SFPQ: variants seen among roughly 807,000 people sequenced by gnomAD.
SFPQ encodes the protein splicing factor, proline- and glutamine-rich.
Under a neutral mutation model 72.9 loss-of-function variants are expected in SFPQ, and 11 were observed. The observed-to-expected ratio is 0.15, with a 90% CI of 0.09 to 0.25. The LOEUF (loss-of-function observed/expected upper bound fraction) is 0.25, where lower values mean the gene tolerates loss of function less well. Among genes scored for constraint, SFPQ ranks in the 10% least tolerant of loss-of-function variants. SFPQ has a pLI of 1.00. For synonymous variants in SFPQ, 506 were observed against 367.3 expected, an observed-to-expected ratio of 1.38 and a Z score of -4.32; for missense variants, 847 against 993.3, an observed-to-expected ratio of 0.85 and a Z score of 1.98.
At chr1:35,188,650 A>G (rs1639846083) in intron 6 of SFPQ, among the ~76,000 whole-genome samples, 1 of 152,076 alleles carries the variant, frequency 6.6e-6, no homozygotes, top group African/African-American at 2.4e-5. Flanking sequence ...GCCTGGGCCC[A>G]TCTCAAAAAA....
At position 35,192,997 on chromosome 1, in the gene SFPQ, C is replaced by T; in HGVS notation, c.53G>A (p.Arg18Lys). The change falls in exon 1 of 10, where the codon AGG becomes AAG. Residue 18 changes from arginine (R) to lysine (K), a missense_variant. By Grantham distance (26) the Arg-to-Lys change is conservative. This residue lies in a region of SFPQ where 19 missense variants were observed against 43.8 expected (regional missense o/e 0.43). Transcript: ENST00000357214. ...GCCGCGGCCGCCGCCTCCTCCACGC[C>T]TGTGGAAGCCACCACCGCCACCGCC... ...SRGGGGGGFH[R>K]RGGGGGRGGL... 1.9e-6 allele frequency: 3 copies of T among 1,565,600 alleles called. No individual in the cohort carries two copies. The highest frequency in any genetic ancestry group is 2.6e-6 in the Non-Finnish European group (3 of 1,163,278).
Position 35,193,109 on chromosome 1 carries a change from C to T in SFPQ, c.-60G>A, listed in dbSNP as rs1011959415. On this transcript the variant is annotated 5_prime_UTR_variant, in exon 1 of 10. Coordinates refer to ENST00000357214, the MANE Select transcript of SFPQ (RefSeq NM_005066.3). ...AGAAGACGCTCAGGAAACGTGGAGG[C>T]CACCTTGCTTCTCACAAAATGGCGG... is the stretch of plus-strand genomic sequence containing the variant. 3 of 1,494,856 alleles carry T rather than the reference C, an allele frequency of 2.0e-6. No homozygotes were observed. The highest frequency in any genetic ancestry group is 2.7e-6 in the Non-Finnish European group (3 of 1,130,500). The allele number at this position is 1,494,856 out of a possible 1,614,324, so 92.6% of individuals were successfully genotyped here. A position where few individuals can be genotyped will look rare whatever the true frequency, so the allele number is the denominator to read the frequency against.
At position 35,192,962 on chromosome 1, in the gene SFPQ, C is replaced by CGTG. The variant is rs1228282304; in HGVS notation, c.85_87dup (p.His29dup). The CGTG allele has an allele frequency of 6.6e-7, 1 of 1,525,252 alleles. No homozygotes were observed. Among genetic ancestry groups the CGTG allele is most frequent in the African/African-American group, 1.4e-5 (1 of 71,882 alleles). 94.5% of individuals were successfully genotyped at this position (1,525,252 alleles called of 1,614,324 possible). ...ATGCCGGGCGGCGGAGAACGGAAGT[C>CGTG]GTGGAGGCCGCCGCGGCCGCCGCCT... On this transcript the variant is annotated inframe_insertion, in exon 1 of 10. Transcript: ENST00000357214.
rs768160490 is a variant in SFPQ at position 35,193,023 on chromosome 1, A to C, written c.27T>G (p.Arg9=). The C allele has an allele frequency of 1.0e-5, 16 of 1,587,178 alleles. No individual in the cohort carries two copies. The East Asian group carries it at 3.7e-4, about 36-fold the overall frequency. ...TGTGGAAGCCACCACCGCCACCGCC[A>C]CGACTCCGGAACCGATCCCGAGACA... MSRDRFRS[R]GGGGGGFHRR... is the part of the protein sequence containing the mutation. Residue 9 remains arginine (R), a synonymous_variant, in exon 1 of 10, where the codon CGT becomes CGG. Coordinates refer to ENST00000357214, the MANE Select transcript of SFPQ (RefSeq NM_005066.3).
downstream of SFPQ, chr1:35,178,880 C>T: frequency 9.7e-7 from 1 of 1,026,922 alleles, no homozygotes; most frequent in Non-Finnish European, 1.2e-6. Context: ...GCCCTTTTCA[C>T]TCTCAAAAAA....
downstream of SFPQ, chr1:35,180,078 G>T (rs758815546): frequency 9.5e-7 from 1 of 1,052,748 alleles, no homozygotes; most frequent in East Asian, 5.4e-5. Context: ...CCCACCTTGT[G>T]AATTGCTTGC....
rs1640127163 is a variant in SFPQ at position 35,193,123 on chromosome 1, A to G, written c.-74T>C. On this transcript the variant is annotated 5_prime_UTR_variant, in exon 1 of 10. Coordinates refer to ENST00000357214, the MANE Select transcript of SFPQ (RefSeq NM_005066.3). The stretch of plus-strand genomic sequence containing the variant: ...AAACGTGGAGGCCACCTTGCTTCTC[A>G]CAAAATGGCGGATGACACAGGCGGC... The G allele has an allele frequency of 2.7e-6, 4 of 1,484,794 alleles. No individual in the cohort carries two copies. Among genetic ancestry groups the G allele is most frequent in the South Asian group, 2.6e-5 (2 of 76,406 alleles). The allele number at this position is 1,484,794 out of a possible 1,614,324, so 92.0% of individuals were successfully genotyped here. A position where few individuals can be genotyped will look rare whatever the true frequency, so the allele number is the denominator to read the frequency against.
At chr1:35,181,356 G>A (rs963159663), downstream of SFPQ, 3 of 1,065,010 alleles carry the variant, frequency 2.8e-6, no homozygotes, top group Admixed American at 5.3e-5. Flanking sequence ...CCCAAGAAAA[G>A]CCAAGTATCT....
At position 35,183,760 on chromosome 1, in the gene SFPQ, T is replaced by C. The variant is rs1639580865; in HGVS notation, c.*696A>G. The stretch of plus-strand genomic sequence containing the variant: ...AAGTAAAGGATAGATCATAGGGCCA[T>C]AAAAGATCCATTTAATCAAACCCAC... On this transcript the variant is annotated 3_prime_UTR_variant, in exon 10 of 10. Transcript: ENST00000357214. 9.5e-6 allele frequency: 10 copies of C among 1,052,254 alleles called. No individual in the cohort carries two copies. The highest frequency in any genetic ancestry group is 1.1e-5 in the Non-Finnish European group (10 of 870,816). The allele number at this position is 1,052,254 out of a possible 1,614,324, so 65.2% of individuals were successfully genotyped here. A position where few individuals can be genotyped will look rare whatever the true frequency, so the allele number is the denominator to read the frequency against.
rs750363738 is a variant in SFPQ, at chr1:35,192,936, C to T, written c.114G>A (p.Met38Ile). 1.9e-6 allele frequency: 3 copies of T among 1,587,624 alleles called. No individual in the cohort carries two copies. The highest frequency in any genetic ancestry group is 2.2e-5 in the South Asian group (2 of 89,752). ...TGGGGCCGCGATTCTGATTGAGGCC[C>T]ATGCCGGGCGGCGGAGAACGGAAGT... ...LHDFRSPPPG[M>I]GLNQNRGPMG... Residue 38 changes from methionine (M) to isoleucine (I), a missense_variant, in exon 1 of 10, where the codon ATG becomes ATA. Physicochemically the swap from Met to Ile is conservative, Grantham distance 10. This residue lies in a region of SFPQ where 498 missense variants were observed against 405.1 expected (regional missense o/e 1.23). Coordinates refer to ENST00000357214, the MANE Select transcript of SFPQ (RefSeq NM_005066.3).
rs1640080720 is a variant in SFPQ at position 35,192,574 on chromosome 1, G to A, written c.476C>T (p.Ser159Leu). 2 of 1,336,250 alleles carry A rather than the reference G, an allele frequency of 1.5e-6. No homozygotes were observed. The highest frequency in any genetic ancestry group is 3.1e-5 in the East Asian group (1 of 31,948). The allele number at this position is 1,336,250 out of a possible 1,614,324, so 82.8% of individuals were successfully genotyped here. ...GGGTGGCGGCGCCCCGGGAGGGGCC[G>A]AGGTGACTGCAGGCGGCGGGGTCGG... ...PTPTPPPAVT[S>L]APPGAPPPTP... The change falls in exon 1 of 10, where the codon TCG (serine) becomes TTG (leucine). Residue 159 changes from serine to leucine, a missense_variant. By Grantham distance (145) the Ser-to-Leu change is moderately radical. Coordinates refer to ENST00000357214, the MANE Select transcript of SFPQ (RefSeq NM_005066.3).
chr1:35,182,125 A>G (rs2148608291), downstream of SFPQ: 3 of 985,376 alleles, frequency 3.0e-6, 1 homozygote, highest in South Asian at 1.4e-4. Flanking sequence ...AATAAACTGA[A>G]ACATTAATTT....
At chr1:35,180,041 GACT>G (rs751962135), downstream of SFPQ, 261 of 1,054,574 alleles carry the variant, frequency 2.5e-4, no homozygotes, top group Non-Finnish European at 2.8e-4. Flanking sequence ...TGCTTGAATG[GACT>G]ACATGTTAAA....
At chr1:35,191,144 A>T (rs897400926) in intron 2 of SFPQ, 149 bp from the exon 3 acceptor site, 2 of 809,076 alleles carry the variant, frequency 2.5e-6, no homozygotes, top group Non-Finnish European at 3.9e-6. Flanking sequence ...CACTTAGTTT[A>T]CCCACCCCAC....
intron 4 of SFPQ, among the ~76,000 whole-genome samples, chr1:35,190,047 G>C (rs541191532): frequency 2.0e-5 from 3 of 152,076 alleles, no homozygotes; most frequent in Non-Finnish European, 4.4e-5. Flanking sequence ...ACTCACCTGA[G>C]GTCAGGAGTT....
intron 5 of SFPQ, 40 bp downstream of exon 5, chr1:35,189,146 A>G (rs1394244469): frequency 6.2e-7 from 1 of 1,613,492 alleles, no homozygotes; most frequent in Non-Finnish European, 8.5e-7. Context: ...GTGAAAAACA[A>G]TTGACCTTAG....
At chr1:35,192,190 G>GGAGCCGACGCGTCGCTCC in intron 1 of SFPQ, 32 bp downstream of exon 1, 2 of 1,372,476 alleles carry the variant, frequency 1.5e-6, no homozygotes. Flanking sequence ...CCATCTTAGG[G>GGAGCCGACGCGTCGCTCC]GAGCCGACGC....
At chr1:35,182,403 G>A (rs1254603669), downstream of SFPQ, 3 of 985,154 alleles carry the variant, frequency 3.0e-6, no homozygotes, top group African/African-American at 3.5e-5. Context: ...ATATTTCCGA[G>A]TGTGCTGGTG....
intron 9 of SFPQ, among the ~76,000 whole-genome samples, chr1:35,184,975 T>A (rs919291500): frequency 1.3e-5 from 2 of 152,200 alleles, no homozygotes; most frequent in Non-Finnish European, 2.9e-5. Context: ...AAATTTAATT[T>A]CCAAGTAAGC....
Sources: gnomAD v4.1 joint callset for allele counts (sites outside exome capture counted in the v4.1 genomes callset) on GRCh38, gnomAD v4.1.1 for gene constraint, gnomAD v4.1.1 regional missense constraint, MANE v1.5 for transcripts, NCBI Gene and HGNC (gene_info 2026-07-23, HGNC 2026-07-21) for gene names.